DOP1B: variants seen among roughly 807,000 people sequenced by gnomAD.
DOP1B encodes the protein protein DOP1B.
A neutral mutation model predicts 233.5 loss-of-function variants in DOP1B; 174 were observed. The ratio of observed to expected loss-of-function variants is 0.75; its 90% CI spans 0.66 to 0.85. The LOEUF is 0.85. Ranked by LOEUF, DOP1B falls within the 40% of genes least tolerant of loss-of-function variation. The pLI is 0.00. For missense variants in DOP1B, 2,652 were observed against 2,846.6 expected (o/e 0.93, Z 1.56); for synonymous variants, 1,190 against 1,185.6 (o/e 1.00, Z -0.08).
intron 1 of DOP1B, among the ~76,000 whole-genome samples, chr21:36,160,228 C>G (rs1279632030): frequency 6.6e-6 from 1 of 152,166 alleles, no homozygotes; most frequent in African/African-American, 2.4e-5. Context: ...TCATTACCAT[C>G]TTTTCCTTAA....
Position 36,267,797 on chromosome 21 carries a change from G to A in DOP1B, c.5488-2216G>A, listed in dbSNP as rs146212984. ...GCTGGGCCACCAGGGGTGACATCACGTATCAGTAGGACCGTGATGCCCTCC... is the reference window on the plus strand; with the variant it reads ...GCTGGGCCACCAGGGGTGACATCACATATCAGTAGGACCGTGATGCCCTCC... On this transcript the variant is annotated intron_variant, in intron 26 of 36. Coordinates refer to ENST00000691173, the MANE Select transcript of DOP1B (RefSeq NM_001320714.2). Among the ~76,000 whole-genome samples the A allele has an allele frequency of 8.2e-3, 1,244 of 152,076 alleles. 12 individuals carry two copies. Among genetic ancestry groups the A allele is most frequent in the African/African-American group, 0.028 (1,179 of 41,460 alleles).
At chr21:36,169,498 G>A (rs2065950594) in intron 2 of DOP1B, 1 of 1,121,108 alleles carries the variant, frequency 8.9e-7, no homozygotes, top group Non-Finnish European at 1.3e-6. Context: ...TGACCCCTTT[G>A]TAGCCTTTGC....
At chr21:36,168,924 A>G (rs2065942679) in intron 2 of DOP1B, 10 of 535,614 alleles carry the variant, frequency 1.9e-5, no homozygotes, top group South Asian at 1.8e-4. Flanking sequence ...ATTTTAAAAA[A>G]TAACTTTTAT....
rs2123471888 is a variant in DOP1B at position 36,200,436 on chromosome 21, C to G, written c.426C>G (p.Pro142=). The G allele has an allele frequency of 3.1e-6, 5 of 1,613,460 alleles. No individual in the cohort carries two copies. In the East Asian group the frequency reaches 1.1e-4, roughly 36 times the overall value. Residue 142 remains proline (P), a synonymous_variant, in exon 4 of 37, where the codon CCC becomes CCG. Transcript: ENST00000691173. ...TCCCACTGCAGAAGCTGCTCCTGCC[C>G]AGTCTGCAGGCCTTCATCGTGGGCC... The part of the protein sequence containing the change: ...YFLPLQKLLL[P]SLQAFIVGLL...
chr21:36,227,227 T>TA (rs1456639169), intron 12 of DOP1B, among the ~76,000 whole-genome samples: 5 of 143,234 alleles, frequency 3.5e-5, no homozygotes, highest in South Asian at 2.2e-4. Context: ...AATAAATAAA[T>TA]AAATAAAATA....
chr21:36,254,013 C>T (rs2067063864), intron 23 of DOP1B, 104 bp downstream of exon 23: 14 of 1,424,120 alleles, frequency 9.8e-6, no homozygotes, highest in Non-Finnish European at 1.3e-5. Context: ...GGATAGGTAA[C>T]AAGAGCTAGT....
chr21:36,173,739 A>G (rs944063784), intron 2 of DOP1B, among the ~76,000 whole-genome samples: 1 of 152,148 alleles, frequency 6.6e-6, no homozygotes, highest in Non-Finnish European at 1.5e-5. Context: ...AAACATTTTC[A>G]TCAAGTGCCC....
intron 10 of DOP1B, among the ~76,000 whole-genome samples, chr21:36,222,916 G>T (rs1255834048): frequency 6.6e-6 from 1 of 151,758 alleles, no homozygotes; most frequent in African/African-American, 2.4e-5. Flanking sequence ...TTGTATTTTT[G>T]TAGAGACAGG....
intron 9 of DOP1B, among the ~76,000 whole-genome samples, chr21:36,214,986 T>C (rs2066543068): frequency 6.6e-6 from 1 of 152,132 alleles, no homozygotes; most frequent in Admixed American, 6.5e-5. Context: ...GAGGCTGCAG[T>C]GAGCTGTGAT....
At chr21:36,268,826 C>T (rs952724385) in intron 26 of DOP1B, among the ~76,000 whole-genome samples, 2 of 152,268 alleles carry the variant, frequency 1.3e-5, no homozygotes, top group African/African-American at 2.4e-5. Flanking sequence ...TGCACCACCA[C>T]GCCTAGCTAA....
chr21:36,292,529 A>G (rs1469576503), intron 36 of DOP1B, among the ~76,000 whole-genome samples: 4 of 151,246 alleles, frequency 2.6e-5, no homozygotes, highest in East Asian at 1.9e-4. Flanking sequence ...GTTTCAAGCA[A>G]TTCTCCTCTC....
At chr21:36,159,886 G>T (rs1054649982) in intron 1 of DOP1B, among the ~76,000 whole-genome samples, 1 of 152,174 alleles carries the variant, frequency 6.6e-6, no homozygotes, top group African/African-American at 2.4e-5. Context: ...TGTCACTTAT[G>T]TGTGTTAAAA....
At chr21:36,224,469 C>G (rs146715841) in intron 11 of DOP1B, among the ~76,000 whole-genome samples, 3 of 151,740 alleles carry the variant, frequency 2.0e-5, no homozygotes, top group African/African-American at 7.3e-5. Flanking sequence ...CATGAGCCGC[C>G]GCATCTGGCC....
Position 36,248,484 on chromosome 21 carries a change from C to T in DOP1B, c.4914C>T (p.Leu1638=). 1 of 1,614,166 alleles carries T rather than the reference C, an allele frequency of 6.2e-7. No homozygotes were observed. Among genetic ancestry groups the T allele is most frequent in the Non-Finnish European group, 8.5e-7 (1 of 1,180,024 alleles). Reference sequence around the variant, plus strand: ...CCATGGCCCTTCTCTGGAATGTTCTCAGAAAGGAGGAGACTCAAAAGAGAC... The same window carrying T: ...CCATGGCCCTTCTCTGGAATGTTCTTAGAAAGGAGGAGACTCAAAAGAGAC... The part of the protein sequence containing the change: ...VNTMALLWNV[L]RKEETQKRPV... Residue 1638 remains leucine (L), a synonymous_variant, in exon 21 of 37, where the codon CTC becomes CTT. Transcript: ENST00000691173.
intron 2 of DOP1B, among the ~76,000 whole-genome samples, chr21:36,167,476 A>G (rs1482034530): frequency 6.6e-6 from 1 of 152,184 alleles, no homozygotes; most frequent in Non-Finnish European, 1.5e-5. Flanking sequence ...TGCCCAGCCG[A>G]ACAGCATATT....
At chr21:36,265,418 A>G (rs1481202514) in intron 26 of DOP1B, among the ~76,000 whole-genome samples, 1 of 152,200 alleles carries the variant, frequency 6.6e-6, no homozygotes, top group South Asian at 2.1e-4. Flanking sequence ...ACAAAAAAAC[A>G]AAAACACCAT....
chr21:36,248,583 C>T lies in DOP1B; in HGVS notation c.4998+15C>T, dbSNP rs2066996588. The T allele has an allele frequency of 6.3e-7, 1 of 1,591,864 alleles. No individual in the cohort carries two copies. The highest frequency in any genetic ancestry group is 1.1e-5 in the South Asian group (1 of 87,814). ...AAACCACCAAAGTAAGAGGATGTCT[C>T]TGTAGTTCTGTCATTTACTTGGTCT... On this transcript the variant is annotated intron_variant, in intron 21 of 36. Transcript: ENST00000691173.
At chr21:36,169,988 A>G (rs1568997298) in intron 2 of DOP1B, 1 of 760,670 alleles carries the variant, frequency 1.3e-6, no homozygotes, top group Admixed American at 1.7e-5. Context: ...TTCACCTTGG[A>G]TCTTGGCCTG....
intron 27 of DOP1B, among the ~76,000 whole-genome samples, chr21:36,272,996 A>C (rs1269958410): frequency 1.3e-5 from 2 of 150,554 alleles, no homozygotes; most frequent in Non-Finnish European, 1.5e-5. Flanking sequence ...AAAAAAAAAA[A>C]AAAAAAAAAA....
Sources: gnomAD v4.1 joint callset for allele counts (sites outside exome capture counted in the v4.1 genomes callset) on GRCh38, gnomAD v4.1.1 for gene constraint, MANE v1.5 for transcripts, NCBI Gene and HGNC (gene_info 2026-07-23, HGNC 2026-07-21) for gene names.